Variants in PALLD observed in about 807,000 individuals in gnomAD.
PALLD encodes the protein palladin, cytoskeletal associated protein, also known as palladin.
Under a neutral mutation model 123.5 loss-of-function variants are expected in PALLD, and 61 were observed. The ratio of observed to expected loss-of-function variants is 0.49; its 90% confidence interval spans 0.40 to 0.61. The LOEUF is 0.61. Among genes scored for constraint, PALLD ranks in the 20% least tolerant of loss-of-function variants. The pLI is 0.00. For synonymous variants in PALLD, 465 were observed against 496.4 expected (o/e 0.94, Z 0.84); for missense variants, 1,273 against 1,377.0 (o/e 0.92, Z 1.20).
At chr4:168,504,246 G>A (rs1050099936) in intron 1 of PALLD, among the ~76,000 whole-genome samples, 3 of 152,206 alleles carry the variant, frequency 2.0e-5, no homozygotes, top group African/African-American at 7.2e-5. Context: ...CCAAGGAAGA[G>A]TCATTTCCTC....
intron 2 of PALLD, among the ~76,000 whole-genome samples, chr4:168,597,649 G>T (rs960492728): frequency 1.3e-5 from 2 of 151,808 alleles, no homozygotes; most frequent in Non-Finnish European, 2.9e-5. Flanking sequence ...CAGCATGGTT[G>T]GTCAAAAGAA....
At chr4:168,810,757 G>A (rs1185349677) in intron 10 of PALLD, among the ~76,000 whole-genome samples, 6 of 151,274 alleles carry the variant, frequency 4.0e-5, no homozygotes, top group South Asian at 4.2e-4. Flanking sequence ...GCAGTGAGCC[G>A]AGATTGCGCC....
chr4:168,825,735 TC>T (rs140522747), intron 10 of PALLD, among the ~76,000 whole-genome samples: 28,873 of 152,172 alleles, frequency 0.19, 3,020 homozygotes, highest in South Asian at 0.29. Flanking sequence ...GAGTTTTACT[TC>T]CTGTATTTCT....
At chr4:168,831,990 C>T in intron 10 of PALLD, 1 of 985,498 alleles carries the variant, frequency 1.0e-6, no homozygotes, top group South Asian at 4.7e-5. Context: ...TCCCGCCCGC[C>T]GCGCCGCCGG....
chr4:168,526,423 G>A (rs1250403079), intron 2 of PALLD, among the ~76,000 whole-genome samples: 1 of 152,096 alleles, frequency 6.6e-6, no homozygotes, highest in East Asian at 1.9e-4. Flanking sequence ...TCACATCCGT[G>A]GTATTGAAGC....
chr4:168,712,959 A>G lies in PALLD; in HGVS notation c.1964+1036A>G, dbSNP rs143018545. 5.9e-3 allele frequency among the ~76,000 whole-genome samples: 902 copies of G among 152,344 alleles called. 9 individuals are homozygous for G. The highest frequency in any genetic ancestry group is 0.02 in the African/African-American group (827 of 41,576). On this transcript the variant is annotated intron_variant, in intron 10 of 21. Coordinates refer to ENST00000505667, the MANE Select transcript of PALLD (RefSeq NM_001166108.2). ...TTAGAATAACACCTTACCTTTGTACATCACTTTATTGTTTACTGAGTGATT... is the reference window on the plus strand; with the variant it reads ...TTAGAATAACACCTTACCTTTGTACGTCACTTTATTGTTTACTGAGTGATT...
chr4:168,710,409 G>T (rs1297176040), intron 9 of PALLD, among the ~76,000 whole-genome samples: 1 of 151,966 alleles, frequency 6.6e-6, no homozygotes, highest in Non-Finnish European at 1.5e-5. Flanking sequence ...ACCAAGCCTG[G>T]AACATAATGT....
At chr4:168,901,895 A>G (rs145795890) in intron 14 of PALLD, among the ~76,000 whole-genome samples, 70 of 152,322 alleles carry the variant, frequency 4.6e-4, no homozygotes, top group Non-Finnish European at 8.7e-4. Flanking sequence ...TAAAATAATT[A>G]TGAAGTATGA....
intron 3 of PALLD, among the ~76,000 whole-genome samples, chr4:168,676,739 A>ATTTT (rs397961036): frequency 1.6e-4 from 23 of 143,766 alleles, no homozygotes; most frequent in African/African-American, 5.6e-4. Context: ...TGCCCATCTA[A>ATTTT]TTTTTTTTTT....
chr4:168,726,125 C>G (rs1277356045), intron 10 of PALLD, among the ~76,000 whole-genome samples: 1 of 152,186 alleles, frequency 6.6e-6, no homozygotes, highest in East Asian at 1.9e-4. Flanking sequence ...TGTAATTATT[C>G]TATCTTTGAA....
chr4:168,909,271 C>T (rs1758420363), intron 15 of PALLD, among the ~76,000 whole-genome samples: 2 of 152,142 alleles, frequency 1.3e-5, no homozygotes, highest in South Asian at 4.1e-4. Context: ...CTGATGTTTC[C>T]TCAAACTGCA....
intron 2 of PALLD, among the ~76,000 whole-genome samples, chr4:168,561,640 G>A (rs72982721): frequency 0.11 from 16,267 of 152,052 alleles, 934 homozygotes; most frequent in Middle Eastern, 0.16. Flanking sequence ...ATATTCATAC[G>A]CTTTTTTCTT....
chr4:168,765,014 T>C (rs1733474687), intron 10 of PALLD, among the ~76,000 whole-genome samples: 1 of 152,190 alleles, frequency 6.6e-6, no homozygotes, highest in African/African-American at 2.4e-5. Context: ...AAGAACATGA[T>C]TTCTTTGTAG....
intron 10 of PALLD, among the ~76,000 whole-genome samples, chr4:168,870,888 C>T (rs997026706): frequency 1.3e-5 from 2 of 152,192 alleles, no homozygotes; most frequent in Middle Eastern, 3.4e-3. Context: ...TAGGAAAATG[C>T]AATTGTGTGT....
intron 10 of PALLD, among the ~76,000 whole-genome samples, chr4:168,890,221 G>A (rs1212550209): frequency 6.6e-6 from 1 of 152,182 alleles, no homozygotes; most frequent in African/African-American, 2.4e-5. Flanking sequence ...TGGAAGGAAA[G>A]AGGCAGTGAG....
intron 10 of PALLD, among the ~76,000 whole-genome samples, chr4:168,734,223 A>T (rs1473063887): frequency 1.3e-5 from 2 of 152,114 alleles, no homozygotes; most frequent in Non-Finnish European, 2.9e-5. Context: ...TCCCAAAAAA[A>T]TTTACTATTT....
chr4:168,737,106 G>C, intron 10 of PALLD, among the ~76,000 whole-genome samples: 1 of 152,112 alleles, frequency 6.6e-6, no homozygotes, highest in Non-Finnish European at 1.5e-5. Context: ...ATGCAAAAAA[G>C]AATACCAGGG....
chr4:168,886,885 G>A (rs573298786), intron 10 of PALLD, among the ~76,000 whole-genome samples: 3 of 152,016 alleles, frequency 2.0e-5, no homozygotes, highest in Non-Finnish European at 4.4e-5. Flanking sequence ...TTGGGAGGCC[G>A]AGGCGGGCGG....
At position 168,540,077 on chromosome 4, in the gene PALLD, C is replaced by A. The variant is rs141688908; in HGVS notation, c.908+27665C>A. Among the ~76,000 whole-genome samples the A allele has an allele frequency of 8.1e-3, 1,227 of 152,192 alleles. 9 individuals are homozygous for A. Among genetic ancestry groups the A allele is most frequent in the Non-Finnish European group, 0.012 (844 of 68,014 alleles). On this transcript the variant is annotated intron_variant, in intron 2 of 21. Transcript: ENST00000505667. Reference sequence around the variant, plus strand: ...GTGTAGTCCAAGACCTTAAAGGCACCTGAAGCTGAAAAAGAATGTTAATTA... The same window carrying A: ...GTGTAGTCCAAGACCTTAAAGGCACATGAAGCTGAAAAAGAATGTTAATTA...
Sources: allele counts gnomAD v4.1 joint callset (sites outside exome capture counted in the v4.1 genomes callset), GRCh38; gene constraint gnomAD v4.1.1; transcripts MANE v1.5; gene names NCBI Gene and HGNC (gene_info 2026-07-23, HGNC 2026-07-21).